The following CHMP3 variants were observed in gnomAD, a reference collection of about 807,000 sequenced individuals.
The protein encoded by CHMP3 is 25.1 protein.
A neutral mutation model predicts 27.4 loss-of-function variants in CHMP3; 8 were observed. The observed-to-expected ratio is 0.29, with a 90% CI of 0.17 to 0.53. The LOEUF (loss-of-function observed/expected upper bound fraction) is 0.53, where lower values mean the gene tolerates loss of function less well. CHMP3 is among the 20% of genes least tolerant of loss of function. The pLI is 0.96. For missense variants in CHMP3, 208 were observed against 271.5 expected, an observed-to-expected ratio of 0.77 and a Z score of 1.64; for synonymous variants, 86 against 85.5, an observed-to-expected ratio of 1.01 and a Z score of -0.03.
intron 4 of CHMP3, among the ~76,000 whole-genome samples, 195 bp downstream of exon 4, chr2:86,510,161 ACT>A (rs1675043439): frequency 6.6e-6 from 1 of 151,950 alleles, no homozygotes; most frequent in Admixed American, 6.6e-5. Flanking sequence ...TCTACAGAAC[ACT>A]CTGGCAATCT....
At chr2:86,531,912 T>A (rs568226453) in intron 2 of CHMP3, among the ~76,000 whole-genome samples, 1 of 152,344 alleles carries the variant, frequency 6.6e-6, no homozygotes, top group African/African-American at 2.4e-5. Context: ...TTTCTTTTTT[T>A]AAGACTATTT....
intron 1 of CHMP3, among the ~76,000 whole-genome samples, chr2:86,558,053 A>T (rs942502634): frequency 6.6e-6 from 1 of 152,212 alleles, no homozygotes; most frequent in African/African-American, 2.4e-5. Context: ...TAAGAACATA[A>T]GTCATATGAT....
intron 2 of CHMP3, among the ~76,000 whole-genome samples, chr2:86,530,023 T>G (rs1019751124): frequency 1.3e-5 from 2 of 152,072 alleles, no homozygotes; most frequent in African/African-American, 4.8e-5. Context: ...AGATGGAGTT[T>G]CACTCTTGTT....
intron 2 of CHMP3, among the ~76,000 whole-genome samples, chr2:86,539,105 A>G (rs1676258680): frequency 6.6e-6 from 1 of 152,152 alleles, no homozygotes; most frequent in African/African-American, 2.4e-5. Flanking sequence ...ATTTCTTTTT[A>G]GATCCATTCA....
At chr2:86,519,330 G>A (rs1419128898) in intron 3 of CHMP3, among the ~76,000 whole-genome samples, 4 of 145,446 alleles carry the variant, frequency 2.8e-5, no homozygotes, top group African/African-American at 7.6e-5. Context: ...GTGCCACTGC[G>A]CTCCAGCCTG....
chr2:86,550,961 C>T (rs1215448057), intron 1 of CHMP3, among the ~76,000 whole-genome samples: 4 of 152,068 alleles, frequency 2.6e-5, no homozygotes, highest in African/African-American at 7.2e-5. Flanking sequence ...TTGGTATGGG[C>T]GGAGGGACCC....
chr2:86,523,158 C>G (rs1243259071), intron 3 of CHMP3, among the ~76,000 whole-genome samples: 2 of 152,210 alleles, frequency 1.3e-5, no homozygotes, highest in African/African-American at 4.8e-5. Flanking sequence ...ATCCCTCCCA[C>G]TTGCTCGGTA....
chr2:86,543,681 A>T (rs1329359244), intron 1 of CHMP3, among the ~76,000 whole-genome samples: 1 of 152,208 alleles, frequency 6.6e-6, no homozygotes, highest in East Asian at 1.9e-4. Context: ...TACCACGGCA[A>T]GTACATTCCC....
Position 86,556,864 on chromosome 2 carries a change from T to C in CHMP3, c.45+6440A>G, listed in dbSNP as rs1432269745. ...ACCTGTGTCTGAGTGTATTCTTTCATCCGTCGTTTGGCCAGGATCTGCGGG... is the reference window on the plus strand; with the variant it reads ...ACCTGTGTCTGAGTGTATTCTTTCACCCGTCGTTTGGCCAGGATCTGCGGG... On this transcript the variant is annotated intron_variant, in intron 1 of 5. Transcript: ENST00000263856. Among the ~76,000 whole-genome samples, 4 of 152,156 alleles carry C rather than the reference T, an allele frequency of 2.6e-5. No individual in the cohort carries two copies. In the East Asian group the frequency reaches 5.8e-4, roughly 22 times the overall value.
At chr2:86,549,247 G>A (rs190741349) in intron 1 of CHMP3, among the ~76,000 whole-genome samples, 1,787 of 80,110 alleles carry the variant, frequency 0.022, 10 homozygotes, top group African/African-American at 0.049. Flanking sequence ...GGCGCTCCTC[G>A]CCTCCCAGAC....
chr2:86,536,881 C>T (rs4832298), intron 2 of CHMP3, among the ~76,000 whole-genome samples: 109,623 of 151,986 alleles, frequency 0.72, 39,936 homozygotes, highest in East Asian at 0.94. Flanking sequence ...TAGGCTCTGC[C>T]CATTTTTTTT....
intron 1 of CHMP3, among the ~76,000 whole-genome samples, chr2:86,547,706 C>T (rs963609039): frequency 6.6e-6 from 1 of 152,068 alleles, no homozygotes; most frequent in African/African-American, 2.4e-5. Context: ...GTAAAGACTA[C>T]TACAATAAAA....
intron 1 of CHMP3, among the ~76,000 whole-genome samples, chr2:86,550,508 A>C (rs1242474527): frequency 6.6e-6 from 1 of 152,194 alleles, no homozygotes; most frequent in Non-Finnish European, 1.5e-5. Context: ...CTAAAAGGAA[A>C]AGGCTTCTTA....
At chr2:86,549,056 C>T (rs1676743144) in intron 1 of CHMP3, among the ~76,000 whole-genome samples, 1 of 147,826 alleles carries the variant, frequency 6.8e-6, no homozygotes, top group Admixed American at 6.7e-5. Flanking sequence ...GGCAGAGGCG[C>T]CCCCCACTTC....
chr2:86,529,487 T>A, intron 2 of CHMP3, 90 bp from the exon 3 acceptor site: 2 of 1,240,614 alleles, frequency 1.6e-6, no homozygotes, highest in Non-Finnish European at 2.1e-6. Context: ...ATGTATCTAT[T>A]AAATAGAAAA....
At position 86,505,662 on chromosome 2, in the gene CHMP3, C is replaced by G; in HGVS notation, c.*142G>C. The G allele has an allele frequency of 8.2e-7, 1 of 1,220,804 alleles. No individual in the cohort carries two copies. Among genetic ancestry groups the G allele is most frequent in the Non-Finnish European group, 1.1e-6 (1 of 943,304 alleles). 75.6% of individuals were successfully genotyped at this position (1,220,804 alleles called of 1,614,324 possible). A position where few individuals can be genotyped will look rare whatever the true frequency, so the allele number is the denominator to read the frequency against. On this transcript the variant is annotated 3_prime_UTR_variant, in exon 6 of 6. Coordinates refer to ENST00000263856, the MANE Select transcript of CHMP3 (RefSeq NM_016079.4). Reference sequence around the variant, plus strand: ...TATAAGAACAATCCCTTTGCGATCCCAAAACCTGGGCAGAGAATGAAAAGA... The same window carrying G: ...TATAAGAACAATCCCTTTGCGATCCGAAAACCTGGGCAGAGAATGAAAAGA...
At chr2:86,512,351 C>A (rs1163064802) in intron 3 of CHMP3, 1 of 152,366 alleles carries the variant, frequency 6.6e-6, no homozygotes, top group African/African-American at 2.4e-5. Context: ...CACCAGACAA[C>A]CAACCCTGCC....
In CHMP3 at chr2:86,548,407, CT is replaced by C. The variant is rs780142365; in HGVS notation, c.46-6096del. 2.0e-5 allele frequency among the ~76,000 whole-genome samples: 3 copies of C among 152,130 alleles called. No individual in the cohort carries two copies. The East Asian group carries it at 5.8e-4, about 29-fold the overall frequency. On this transcript the variant is annotated intron_variant, in intron 1 of 5. Transcript: ENST00000263856. ...AGATGACTCTTAATGAGCATGCTGC[CT>C]TCAAGCATCTGTTTAACAAAGCACA... is the stretch of plus-strand genomic sequence containing the variant.
Position 86,542,288 on chromosome 2 carries a change from T to C in CHMP3, c.70A>G (p.Arg24Gly). 1 of 1,613,590 alleles carries C rather than the reference T, an allele frequency of 6.2e-7. No homozygotes were observed. The highest frequency in any genetic ancestry group is 8.5e-7 in the Non-Finnish European group (1 of 1,179,624). Reference sequence around the variant, plus strand: ...CTGTCAACAACTCTCATTTCCTTTCTTATCTTCAATGACCACTCATTGACC... The same window carrying C: ...CTGTCAACAACTCTCATTTCCTTTCCTATCTTCAATGACCACTCATTGACC... ...ELVNEWSLKI[R>G]KEMRVVDRQI... is the part of the protein sequence containing the mutation. Residue 24 changes from arginine (R) to glycine (G), a missense_variant, in exon 2 of 6, where the codon AGA becomes GGA. This residue lies in a region of CHMP3 where 52 missense variants were observed against 43.5 expected (regional missense o/e 1.19). Coordinates refer to ENST00000263856, the MANE Select transcript of CHMP3 (RefSeq NM_016079.4).
Sources: gnomAD v4.1 joint callset for allele counts (sites outside exome capture counted in the v4.1 genomes callset) on GRCh38, gnomAD v4.1.1 for gene constraint, gnomAD v4.1.1 regional missense constraint, MANE v1.5 for transcripts, NCBI Gene and HGNC (gene_info 2026-07-23, HGNC 2026-07-21) for gene names.